Variants in PYGO1 observed in about 807,000 individuals in gnomAD.
PYGO1 encodes the protein pygopus family PHD finger 1, also known as pygopus homolog 1.
Under a neutral mutation model 29.5 loss-of-function variants are expected in PYGO1, and 6 were observed. The ratio of observed to expected loss-of-function variants is 0.20; its 90% CI spans 0.11 to 0.40. PYGO1 has a LOEUF of 0.40. PYGO1 is among the 10% of genes least tolerant of loss of function. The pLI is 1.00. For missense variants in PYGO1, 515 were observed against 514.9 expected, an observed-to-expected ratio of 1.00 and a Z score of 0.00; for synonymous variants, 186 against 180.5, an observed-to-expected ratio of 1.03 and a Z score of -0.24.
chr15:55,587,705 G>T (rs1342735137), intron 1 of PYGO1, 130 bp downstream of exon 1: 2 of 1,187,580 alleles, frequency 1.7e-6, no homozygotes, highest in African/African-American at 1.6e-5. Context: ...TCGGCCCCGG[G>T]GTGCCGGCGG....
At chr15:55,548,366 T>G (rs1369147425) in intron 2 of PYGO1, among the ~76,000 whole-genome samples, 1 of 151,868 alleles carries the variant, frequency 6.6e-6, no homozygotes, top group Non-Finnish European at 1.5e-5. Flanking sequence ...TTGCAGTATC[T>G]AGTCTATGCC....
intron 1 of PYGO1, among the ~76,000 whole-genome samples, chr15:55,577,309 G>A (rs2059007215): frequency 2.0e-5 from 3 of 152,072 alleles, no homozygotes; most frequent in South Asian, 2.1e-4. Flanking sequence ...CCCTCACCCC[G>A]CCGCTAGCCA....
chr15:55,574,008 A>G (rs909435031), intron 1 of PYGO1, among the ~76,000 whole-genome samples: 2 of 152,210 alleles, frequency 1.3e-5, no homozygotes, highest in Admixed American at 1.3e-4. Flanking sequence ...GGTATATATC[A>G]AGCAATTCAG....
chr15:55,558,636 G>A (rs1489912845), intron 1 of PYGO1, among the ~76,000 whole-genome samples: 4 of 151,966 alleles, frequency 2.6e-5, no homozygotes, highest in Non-Finnish European at 5.9e-5. Context: ...CATGGTACTG[G>A]TACCAAAACA....
chr15:55,581,145 C>A (rs150801306), intron 1 of PYGO1, among the ~76,000 whole-genome samples: 78 of 152,264 alleles, frequency 5.1e-4, no homozygotes, highest in African/African-American at 1.8e-3. Context: ...GGAACTCCCA[C>A]CTAATCTTGG....
chr15:55,560,457 G>C (rs2058928261), intron 1 of PYGO1, among the ~76,000 whole-genome samples: 1 of 151,996 alleles, frequency 6.6e-6, no homozygotes, highest in Non-Finnish European at 1.5e-5. Context: ...TACTACCTAG[G>C]AATACAGCTA....
chr15:55,554,123 C>CT (rs1200966659), intron 1 of PYGO1, among the ~76,000 whole-genome samples: 1 of 152,108 alleles, frequency 6.6e-6, no homozygotes, highest in African/African-American at 2.4e-5. Context: ...AACAGAGTGC[C>CT]TCTTCTCCTC....
intron 1 of PYGO1, among the ~76,000 whole-genome samples, chr15:55,576,091 T>G (rs2141673011): frequency 6.6e-6 from 1 of 152,322 alleles, no homozygotes; most frequent in South Asian, 2.1e-4. Context: ...CTAGTTGATT[T>G]ACATTTCAAG....
At position 55,587,909 on chromosome 15, in the gene PYGO1, C is replaced by A. The variant is rs202218683; in HGVS notation, c.-26G>T. Reference sequence around the variant, plus strand: ...TACAGACCGCAAAGCATGACTCCCCCCCAGGCCGCGGGAATTCGGTCTCTT... The same window carrying A: ...TACAGACCGCAAAGCATGACTCCCCACCAGGCCGCGGGAATTCGGTCTCTT... On this transcript the variant is annotated 5_prime_UTR_variant, in exon 1 of 3. Transcript: ENST00000563719. 6 of 1,465,712 alleles carry A rather than the reference C, an allele frequency of 4.1e-6. No homozygotes were observed. Among genetic ancestry groups the A allele is most frequent in the Middle Eastern group, 1.7e-4 (1 of 5,720 alleles). 90.8% of individuals were successfully genotyped at this position (1,465,712 alleles called of 1,614,324 possible). A position where few individuals can be genotyped will look rare whatever the true frequency, so the allele number is the denominator to read the frequency against.
At chr15:55,583,684 AC>A (rs2141679754) in intron 1 of PYGO1, among the ~76,000 whole-genome samples, 1 of 151,860 alleles carries the variant, frequency 6.6e-6, no homozygotes, top group Non-Finnish European at 1.5e-5. Context: ...TAATTTTTAA[AC>A]TTTGTAGAGA....
In PYGO1 at chr15:55,545,552, T is replaced by TA. The variant is rs2058845800; in HGVS notation, c.*470dup. ...ATCTGGTGTCATACTATTATTTTTT[T>TA]AATCCATAAAAATGTATGCTTTCCC... On this transcript the variant is annotated 3_prime_UTR_variant, in exon 3 of 3. Coordinates refer to ENST00000563719, the MANE Select transcript of PYGO1 (RefSeq NM_001367806.1). The TA allele has an allele frequency of 6.6e-6, 1 of 152,606 alleles. No homozygotes were observed. The highest frequency in any genetic ancestry group is 2.4e-5 in the African/African-American group (1 of 41,452). The allele number at this position is 152,606 out of a possible 1,614,324, so 9.5% of individuals were successfully genotyped here. A position where few individuals can be genotyped will look rare whatever the true frequency, so the allele number is the denominator to read the frequency against.
chr15:55,558,345 G>A (rs1478351957), intron 1 of PYGO1, among the ~76,000 whole-genome samples: 1 of 151,788 alleles, frequency 6.6e-6, no homozygotes, highest in Non-Finnish European at 1.5e-5. Context: ...CAAAATAAAA[G>A]AGGATACAAA....
chr15:55,553,523 T>C (rs1015494369), intron 1 of PYGO1, among the ~76,000 whole-genome samples: 2 of 152,108 alleles, frequency 1.3e-5, no homozygotes, highest in Admixed American at 6.6e-5. Context: ...AGCCTCTTGA[T>C]TGGCTGGAAT....
intron 1 of PYGO1, among the ~76,000 whole-genome samples, chr15:55,553,866 T>C (rs2058891339): frequency 6.6e-6 from 1 of 151,954 alleles, no homozygotes; most frequent in Non-Finnish European, 1.5e-5. Context: ...TGGTAGTATC[T>C]CCAGGTACAG....
intron 1 of PYGO1, among the ~76,000 whole-genome samples, chr15:55,557,703 A>G (rs552769225): frequency 6.6e-6 from 1 of 152,332 alleles, no homozygotes; most frequent in South Asian, 2.1e-4. Flanking sequence ...GCAAATCAAT[A>G]AATGTAATCC....
At chr15:55,549,448 C>T (rs1231685909) in intron 1 of PYGO1, among the ~76,000 whole-genome samples, 1 of 152,094 alleles carries the variant, frequency 6.6e-6, no homozygotes, top group East Asian at 1.9e-4. Flanking sequence ...CTATTTAGAA[C>T]TTCTTTATTT....
At chr15:55,555,460 C>T (rs1342420197) in intron 1 of PYGO1, among the ~76,000 whole-genome samples, 4 of 138,976 alleles carry the variant, frequency 2.9e-5, no homozygotes, top group South Asian at 2.3e-4. Flanking sequence ...AATTAACCAG[C>T]TAACATCATG....
intron 1 of PYGO1, among the ~76,000 whole-genome samples, chr15:55,579,079 A>G (rs1325096303): frequency 6.6e-6 from 1 of 152,222 alleles, no homozygotes; most frequent in Non-Finnish European, 1.5e-5. Flanking sequence ...AATTGACAGT[A>G]AGAGCCAGTG....
intron 2 of PYGO1, among the ~76,000 whole-genome samples, chr15:55,548,021 A>G (rs1483001505): frequency 6.6e-6 from 1 of 152,156 alleles, no homozygotes; most frequent in East Asian, 1.9e-4. Context: ...CAAGCATTTT[A>G]ATTTTAATTT....
Sources: gnomAD v4.1 joint callset for allele counts (sites outside exome capture counted in the v4.1 genomes callset) on GRCh38, gnomAD v4.1.1 for gene constraint, MANE v1.5 for transcripts, NCBI Gene and HGNC (gene_info 2026-07-23, HGNC 2026-07-21) for gene names.